The following CEP44 variants were observed in gnomAD, a reference collection of about 807,000 sequenced individuals.
CEP44 encodes the protein centrosomal protein 44, also known as centrosomal protein of 44 kDa.
CEP44 carries 45 observed loss-of-function variants against 46.7 expected under a neutral mutation model. The ratio of observed to expected loss-of-function variants is 0.96; its 90% CI spans 0.76 to 1.24. The LOEUF is 1.24. Among genes scored for constraint, CEP44 ranks in the 50% most tolerant of loss-of-function variants. CEP44 has a pLI of 0.00. For missense variants in CEP44, 475 were observed against 459.7 expected, an observed-to-expected ratio of 1.03 and a Z score of -0.30; for synonymous variants, 142 against 146.0, an observed-to-expected ratio of 0.97 and a Z score of 0.20.
intron 6 of CEP44, among the ~76,000 whole-genome samples, chr4:174,306,109 G>A (rs1275501766): frequency 6.6e-6 from 1 of 152,058 alleles, no homozygotes; most frequent in Admixed American, 6.6e-5. Context: ...GCCTTATATA[G>A]TATGCCTATT....
chr4:174,295,052 G>A (rs1190615808), intron 1 of CEP44, among the ~76,000 whole-genome samples: 12 of 139,380 alleles, frequency 8.6e-5, no homozygotes, highest in East Asian at 2.3e-4. Context: ...CCTCCCTCCC[G>A]GACGGGGCGG....
intron 1 of CEP44, among the ~76,000 whole-genome samples, chr4:174,294,666 C>T (rs1345573981): frequency 1.2e-4 from 17 of 146,494 alleles, no homozygotes; most frequent in Admixed American, 8.1e-4. Context: ...GCTGGCCGGG[C>T]GGGGGGCTGA....
In CEP44 at chr4:174,299,073, TG is replaced by T. The variant is rs1197154428; in HGVS notation, c.-48del. 1 of 1,503,194 alleles carries T rather than the reference TG, an allele frequency of 6.7e-7. No individual in the cohort carries two copies. Among genetic ancestry groups the T allele is most frequent in the Non-Finnish European group, 9.2e-7 (1 of 1,087,538 alleles). 93.1% of individuals were successfully genotyped at this position (1,503,194 alleles called of 1,614,324 possible). Reference sequence around the variant, plus strand: ...TATTTCATGGATTTCTATTTTCAGGTGAAAAATTAGACGATTTCAAGAATTG... The same window carrying T: ...TATTTCATGGATTTCTATTTTCAGGTAAAAATTAGACGATTTCAAGAATTG... On this transcript the variant is annotated splice_region_variant and 5_prime_UTR_variant, in exon 3 of 12. The change abolishes the stop of an existing upstream ORF in the 5' untranslated region. Coordinates refer to ENST00000503780, the MANE Select transcript of CEP44 (RefSeq NM_001040157.3).
Position 174,319,281 on chromosome 4 carries a change from T to A in CEP44, c.*1898T>A, listed in dbSNP as rs997747959. On this transcript the variant is annotated 3_prime_UTR_variant, in exon 12 of 12. Transcript: ENST00000503780. ...AAGTACATTTATAAAAATTAAGAGG[T>A]TAAGAGGTTATAGTTATAAGGGAAA... 1.0e-6 allele frequency: 1 copy of A among 971,386 alleles called. No individual in the cohort carries two copies. The highest frequency in any genetic ancestry group is 1.8e-5 in the African/African-American group (1 of 56,942). 60.2% of individuals were successfully genotyped at this position (971,386 alleles called of 1,614,324 possible). A position where few individuals can be genotyped will look rare whatever the true frequency, so the allele number is the denominator to read the frequency against.
At chr4:174,313,036 G>A (rs1040935872) in intron 9 of CEP44, among the ~76,000 whole-genome samples, 2 of 152,112 alleles carry the variant, frequency 1.3e-5, no homozygotes, top group African/African-American at 2.4e-5. Flanking sequence ...AGGGCTACGG[G>A]TGCTGTCAGG....
intron 1 of CEP44, among the ~76,000 whole-genome samples, chr4:174,295,630 G>C (rs1738905468): frequency 6.6e-6 from 1 of 152,056 alleles, no homozygotes; most frequent in African/African-American, 2.4e-5. Context: ...GGGAGGCCAA[G>C]GCAGGCGGCT....
Position 174,309,878 on chromosome 4 carries a change from C to T in CEP44, c.707C>T (p.Ala236Val), listed in dbSNP as rs1282935113. 1 of 1,609,062 alleles carries T rather than the reference C, an allele frequency of 6.2e-7. No individual in the cohort carries two copies. Among genetic ancestry groups the T allele is most frequent in the East Asian group, 2.2e-5 (1 of 44,726 alleles). ...QDVNVNPEIT[A>V]LQTMLAECQE... ...GTAAATGTTAATCCTGAGATTACTG[C>T]ACTACAAACTATGCTTGCTGAATGC... Residue 236 changes from alanine (A) to valine (V), a missense_variant, in exon 8 of 12, where the codon GCA (alanine) becomes GTA (valine). By Grantham distance (64) the Ala-to-Val change is moderately conservative. Transcript: ENST00000503780. This position sits in a 1 kb window ranked among gnomAD's most constrained non-coding sequence, Gnocchi z 5.3.
Position 174,309,553 on chromosome 4 carries a change from A to T in CEP44, c.679-297A>T, listed in dbSNP as rs1343649479. ...CAAGAAGCTAGTTAATAATAGTTTTATTTTACTAGCTGGTATTAAGAGAAT... is the reference window on the plus strand; with the variant it reads ...CAAGAAGCTAGTTAATAATAGTTTTTTTTTACTAGCTGGTATTAAGAGAAT... On this transcript the variant is annotated intron_variant, in intron 7 of 11. Coordinates refer to ENST00000503780, the MANE Select transcript of CEP44 (RefSeq NM_001040157.3). The surrounding 1 kb of genome is among the most constrained non-coding windows in gnomAD (Gnocchi z 5.3). Among the ~76,000 whole-genome samples, 2 of 151,552 alleles carry T rather than the reference A, an allele frequency of 1.3e-5. No homozygotes were observed. Among genetic ancestry groups the T allele is most frequent in the Non-Finnish European group, 2.9e-5 (2 of 67,848 alleles).
Position 174,317,731 on chromosome 4 carries a change from T to C in CEP44, c.*348T>C. 1.0e-6 allele frequency: 1 copy of C among 990,626 alleles called. No homozygotes were observed. The allele number at this position is 990,626 out of a possible 1,614,324, so 61.4% of individuals were successfully genotyped here. ...AAGCACAGGCTTGAGGACTATGGTT[T>C]ACATCCTGTTGGAAACATTCCAAAT... On this transcript the variant is annotated 3_prime_UTR_variant, in exon 12 of 12. Transcript: ENST00000503780.
At position 174,299,152 on chromosome 4, in the gene CEP44, C is replaced by G; in HGVS notation, c.31C>G (p.Arg11Gly). 2 of 1,613,418 alleles carry G rather than the reference C, an allele frequency of 1.2e-6. No individual in the cohort carries two copies. The highest frequency in any genetic ancestry group is 1.7e-6 in the Non-Finnish European group (2 of 1,179,514). Residue 11 changes from arginine (R) to glycine (G), a missense_variant, in exon 3 of 12, where the codon CGG (arginine) becomes GGG (glycine). Transcript: ENST00000503780. Reference sequence around the variant, plus strand: ...AACAGGTGACTTAAAAAGAAGCTTACGGAACCTAGAACAGGTGCTCCGCTT... The same window carrying G: ...AACAGGTGACTTAAAAAGAAGCTTAGGGAACCTAGAACAGGTGCTCCGCTT... MATGDLKRSL[R>G]NLEQVLRLLN...
At chr4:174,284,623 G>A (rs1386867486) in intron 1 of CEP44, among the ~76,000 whole-genome samples, 3 of 151,848 alleles carry the variant, frequency 2.0e-5, no homozygotes, top group Middle Eastern at 6.8e-3. Flanking sequence ...TTTTTTTCCC[G>A]AATTATCTGC....
chr4:174,315,321 T>C (rs1353541550), intron 9 of CEP44, among the ~76,000 whole-genome samples: 3 of 152,106 alleles, frequency 2.0e-5, no homozygotes, highest in African/African-American at 7.2e-5. Context: ...ATCCGTAATC[T>C]TCTCTAATTG....
At chr4:174,320,704 A>ATGTGTGTGTGTGTGTGTGTCTGTGTG (rs796604982), downstream of CEP44, among the ~76,000 whole-genome samples, 1 of 125,242 alleles carries the variant, frequency 8.0e-6, no homozygotes. Flanking sequence ...GTGTGTGTGT[A>ATGTGTGTGTGTGTGTGTGTCTGTGTG]TGTGTGTGTG....
chr4:174,289,117 GT>G (rs1737878556), intron 1 of CEP44, among the ~76,000 whole-genome samples: 1 of 152,076 alleles, frequency 6.6e-6, no homozygotes, highest in South Asian at 2.1e-4. Flanking sequence ...ATCCTACTTG[GT>G]CATGGTATAT....
Position 174,297,816 on chromosome 4 carries a change from G to C in CEP44, c.-147-150G>C, listed in dbSNP as rs980147299. 4 of 152,234 alleles carry C rather than the reference G, an allele frequency of 2.6e-5. No homozygotes were observed. The highest frequency in any genetic ancestry group is 9.7e-5 in the African/African-American group (4 of 41,450). 9.4% of individuals were successfully genotyped at this position (152,234 alleles called of 1,614,324 possible). ...AAAGCTCTTTTCTCTTTCCAGGGAA[G>C]GTGAGAGGTAGTTGCCTTGCTGAGC... On this transcript the variant is annotated intron_variant, in intron 1 of 11. Coordinates refer to ENST00000503780, the MANE Select transcript of CEP44 (RefSeq NM_001040157.3). The surrounding 1 kb of genome is among the most constrained non-coding windows in gnomAD (Gnocchi z 4.3).
intron 1 of CEP44, among the ~76,000 whole-genome samples, chr4:174,294,926 G>A (rs1434587434): frequency 3.4e-5 from 5 of 145,752 alleles, no homozygotes; most frequent in African/African-American, 7.6e-5. Flanking sequence ...CGGTAGGGGC[G>A]GCCAGGCAGA....
exon 9 of CEP44, chr4:174,333,225 T>C (rs1444644629): frequency 6.7e-6 from 1 of 150,234 alleles, no homozygotes; most frequent in Non-Finnish European, 1.5e-5. Flanking sequence ...GCTCTAACAT[T>C]GGTTTAGAAT....
rs890744103 is a variant in CEP44, at chr4:174,290,902, T to A, written c.-148+6959T>A. 6.6e-6 allele frequency among the ~76,000 whole-genome samples: 1 copy of A among 152,222 alleles called. No individual in the cohort carries two copies. The highest frequency in any genetic ancestry group is 1.5e-5 in the Non-Finnish European group (1 of 68,040). On this transcript the variant is annotated intron_variant, in intron 1 of 11. Coordinates refer to ENST00000503780, the MANE Select transcript of CEP44 (RefSeq NM_001040157.3). This position sits in a 1 kb window ranked among gnomAD's most constrained non-coding sequence, Gnocchi z 4.3. ...GACCCTTTTACTATTATATAATGCC[T>A]TCTTTGTCTCTTTTGACAGTTGTCG...
chr4:174,331,697 C>T lies in CEP44; in HGVS notation c.*102C>T, dbSNP rs934825942. 1.7e-5 allele frequency: 24 copies of T among 1,425,134 alleles called. No homozygotes were observed. In the Middle Eastern group the frequency reaches 5.4e-4, roughly 32 times the overall value. The allele number at this position is 1,425,134 out of a possible 1,614,324, so 88.3% of individuals were successfully genotyped here. A position where few individuals can be genotyped will look rare whatever the true frequency, so the allele number is the denominator to read the frequency against. The stretch of plus-strand genomic sequence containing the variant: ...AGAATTCTGCCTGGAAACCAGCTTC[C>T]TCCTCAGCTCCAGCTCTTTTAATGG... On this transcript the variant is annotated 3_prime_UTR_variant, in exon 9 of 9. Transcript: ENST00000426172. This position sits in a 1 kb window ranked among gnomAD's most constrained non-coding sequence, Gnocchi z 4.5.
Sources: allele counts gnomAD v4.1 joint callset (sites outside exome capture counted in the v4.1 genomes callset), GRCh38; gene constraint gnomAD v4.1.1; non-coding constraint Gnocchi (gnomAD v3.1); transcripts MANE v1.5; gene names NCBI Gene and HGNC (gene_info 2026-07-23, HGNC 2026-07-21).